Variants in MYZAP observed in about 807,000 individuals in gnomAD.
The protein encoded by MYZAP is myocardial zonula adherens protein.
In MYZAP, 66 loss-of-function variants were observed where a neutral mutation model predicts 69.4. The observed-to-expected ratio is 0.95, with a 90% CI of 0.78 to 1.17. The LOEUF (loss-of-function observed/expected upper bound fraction) is 1.17. Ranked by LOEUF, MYZAP falls within the 50% of genes most tolerant of loss-of-function variation. The probability of loss-of-function intolerance (pLI) is 0.00; values close to 1 mark genes in which losing one functional copy is unlikely to be tolerated. For synonymous variants in MYZAP, 256 were observed against 205.9 expected (o/e 1.24, Z -2.09); for missense variants, 611 against 556.2 (o/e 1.10, Z -0.99).
Position 57,591,919 on chromosome 15 carries a change from G to C in MYZAP, c.-116G>C. On this transcript the variant is annotated 5_prime_UTR_variant, in exon 1 of 13. Transcript: ENST00000267853. ...ACCCCCGGGCCTTCGCGGTGCAGCT[G>C]AGGCTGCAAGTAGCCGGCGCCGTCC... The C allele has an allele frequency of 3.0e-6, 3 of 1,012,910 alleles. No individual in the cohort carries two copies. The highest frequency in any genetic ancestry group is 2.5e-6 in the Non-Finnish European group (2 of 799,332). The allele number at this position is 1,012,910 out of a possible 1,614,324, so 62.7% of individuals were successfully genotyped here.
chr15:57,636,889 A>C (rs1453333708), intron 8 of MYZAP, among the ~76,000 whole-genome samples: 1 of 152,220 alleles, frequency 6.6e-6, no homozygotes, highest in Non-Finnish European at 1.5e-5. Flanking sequence ...ATTATGTTCC[A>C]TTCCTAGAGG....
At chr15:57,596,639 C>T (rs917898423) in intron 1 of MYZAP, among the ~76,000 whole-genome samples, 6 of 152,196 alleles carry the variant, frequency 3.9e-5, no homozygotes, top group African/African-American at 1.4e-4. Flanking sequence ...GCTTCAAGAG[C>T]CTCCTCAGTA....
chr15:57,621,769 A>G, intron 4 of MYZAP, 69 bp downstream of exon 4: 2 of 1,454,516 alleles, frequency 1.4e-6, no homozygotes, highest in South Asian at 1.2e-5. Flanking sequence ...CTCAGTGGCT[A>G]GTGCCTAAAG....
chr15:57,604,320 GA>G lies in MYZAP; in HGVS notation c.128del (p.Glu43GlyfsTer16), dbSNP rs2073712482. 1 of 1,614,052 alleles carries G rather than the reference GA, an allele frequency of 6.2e-7. No homozygotes were observed. The highest frequency in any genetic ancestry group is 1.3e-5 in the African/African-American group (1 of 74,910). On this transcript the variant is annotated frameshift_variant, in exon 2 of 13. Coordinates refer to ENST00000267853, the MANE Select transcript of MYZAP (RefSeq NM_001018100.5). LOFTEE classifies it high-confidence loss of function. Reference protein sequence around the residue: ...LTVPPESPVPEQCEKKIERKE... With the variant: ...LTVPPESPVPXQCEKKIERKE... The stretch of plus-strand genomic sequence containing the variant: ...CGTACCTCCTGAGAGTCCAGTTCCT[GA>G]GCAATGTGAAAAGAAGATTGAGAGA...
At chr15:57,602,949 C>T (rs925516017) in intron 1 of MYZAP, among the ~76,000 whole-genome samples, 1 of 152,174 alleles carries the variant, frequency 6.6e-6, no homozygotes, top group Admixed American at 6.5e-5. Context: ...ATTTTTCCCT[C>T]TGTTGAGTAG....
chr15:57,646,980 T>C, intron 10 of MYZAP: 2 of 985,416 alleles, frequency 2.0e-6, no homozygotes, highest in Non-Finnish European at 2.4e-6. Context: ...TGCTGAGAAC[T>C]AGCAGTAGTA....
chr15:57,659,150 T>G (rs2038153265), intron 10 of MYZAP, among the ~76,000 whole-genome samples: 1 of 152,318 alleles, frequency 6.6e-6, no homozygotes, highest in Non-Finnish European at 1.5e-5. Flanking sequence ...TTACACTCAT[T>G]ATTATTTTTG....
intron 4 of MYZAP, among the ~76,000 whole-genome samples, chr15:57,623,059 T>C (rs189972848): frequency 3.9e-5 from 6 of 152,314 alleles, no homozygotes; most frequent in African/African-American, 1.4e-4. Flanking sequence ...AAAGGAAAGA[T>C]GGAGAGAGCT....
intron 10 of MYZAP, among the ~76,000 whole-genome samples, chr15:57,649,925 C>T (rs568402732): frequency 3.3e-5 from 5 of 152,220 alleles, no homozygotes; most frequent in African/African-American, 1.2e-4. Context: ...TTGTCTGTTA[C>T]CTGTTTCCTT....
At chr15:57,648,821 A>G (rs1166300550) in intron 10 of MYZAP, among the ~76,000 whole-genome samples, 3 of 150,576 alleles carry the variant, frequency 2.0e-5, no homozygotes, top group African/African-American at 7.3e-5. Flanking sequence ...AACACATCAC[A>G]GATAAAGAAG....
chr15:57,597,302 A>T (rs191072342), intron 1 of MYZAP, among the ~76,000 whole-genome samples: 15 of 152,342 alleles, frequency 9.8e-5, no homozygotes, highest in Non-Finnish European at 1.8e-4. Context: ...AGCCATGTCG[A>T]GGCCTCATCC....
chr15:57,600,059 C>T (rs1258668928), intron 1 of MYZAP, among the ~76,000 whole-genome samples: 1 of 152,158 alleles, frequency 6.6e-6, no homozygotes. Flanking sequence ...TTAAGAATAT[C>T]TTCCGCCTAC....
At chr15:57,651,664 G>A (rs1303125930) in intron 10 of MYZAP, among the ~76,000 whole-genome samples, 1 of 152,214 alleles carries the variant, frequency 6.6e-6, no homozygotes, top group Non-Finnish European at 1.5e-5. Flanking sequence ...TGAAGGGAGT[G>A]AATGAATGAT....
rs2037874518 is a variant in MYZAP, at chr15:57,654,048, TTAGA to T, written c.1120-7401_1120-7398del. ...AAAAAAAAAAGTCCCTATTTAGAGG[TTAGA>T]GGTTAGTTGGTGTTTTCTGATTGGT... On this transcript the variant is annotated intron_variant, in intron 10 of 12. Coordinates refer to ENST00000267853, the MANE Select transcript of MYZAP (RefSeq NM_001018100.5). Among the ~76,000 whole-genome samples the T allele has an allele frequency of 1.8e-3, 7 of 3,816 alleles. No individual in the cohort carries two copies. The Admixed American group carries it at 0.019, about 10-fold the overall frequency. 2.5% of individuals were successfully genotyped at this position (3,816 alleles called of 152,430 possible). A position where few individuals can be genotyped will look rare whatever the true frequency, so the allele number is the denominator to read the frequency against.
chr15:57,666,026 T>C (rs942823767), intron 11 of MYZAP, among the ~76,000 whole-genome samples: 1 of 152,208 alleles, frequency 6.6e-6, no homozygotes, highest in Non-Finnish European at 1.5e-5. Context: ...TATGATTAAA[T>C]AATAGATACA....
At chr15:57,670,580 T>C (rs2038822150) in intron 11 of MYZAP, among the ~76,000 whole-genome samples, 1 of 152,112 alleles carries the variant, frequency 6.6e-6, no homozygotes, top group Non-Finnish European at 1.5e-5. Context: ...TACTAATATT[T>C]AATTATATTT....
At chr15:57,627,308 G>T (rs1334698246) in intron 5 of MYZAP, among the ~76,000 whole-genome samples, 3 of 149,022 alleles carry the variant, frequency 2.0e-5, no homozygotes, top group African/African-American at 7.4e-5. Context: ...CTTAGTCCTG[G>T]ACAGCCAAAG....
intron 2 of MYZAP, among the ~76,000 whole-genome samples, chr15:57,606,583 TG>T (rs1184579237): frequency 4.3e-4 from 10 of 23,272 alleles, no homozygotes; most frequent in Non-Finnish European, 6.3e-4. Context: ...TATTGTGGGA[TG>T]GGGGGAGGGG....
At chr15:57,595,413 C>T (rs916174426) in intron 1 of MYZAP, among the ~76,000 whole-genome samples, 9 of 152,102 alleles carry the variant, frequency 5.9e-5, no homozygotes, top group East Asian at 1.9e-4. Context: ...TGGGGGGAAA[C>T]GATTTTAAAA....
Sources: allele counts gnomAD v4.1 joint callset (sites outside exome capture counted in the v4.1 genomes callset), GRCh38; gene constraint gnomAD v4.1.1; transcripts MANE v1.5; gene names NCBI Gene and HGNC (gene_info 2026-07-23, HGNC 2026-07-21).